The following RRAGB variants were observed in gnomAD, a reference collection of about 807,000 sequenced individuals.
RRAGB encodes Ras related GTP binding B.
In RRAGB, 6 loss-of-function variants were observed where a neutral mutation model predicts 29.3. That is an observed-to-expected ratio of 0.21 (90% CI 0.11 to 0.40). The LOEUF is 0.40. RRAGB is among the 10% of genes least tolerant of loss of function. The pLI, the probability that RRAGB is intolerant of heterozygous loss-of-function variation, is 1.00. For synonymous variants in RRAGB, 101 were observed against 92.5 expected (o/e 1.09, Z -0.53); for missense variants, 184 against 272.9 (o/e 0.67, Z 2.29).
At chrX:55,750,172 A>G (rs2034477565) in intron 5 of RRAGB, among the ~76,000 whole-genome samples, 1 of 78,527 alleles carries the variant, frequency 1.3e-5, no homozygotes, top group Admixed American at 1.5e-4. Flanking sequence ...ACATATACAT[A>G]CATACATACG....
chrX:55,719,262 A>G (rs1336259571), intron 1 of RRAGB, 52 bp from the exon 2 acceptor site: 6 of 1,075,008 alleles, frequency 5.6e-6, no homozygotes, highest in Non-Finnish European at 7.6e-6. Context: ...CATTAATTTC[A>G]ATTTCTAAGG....
intron 5 of RRAGB, among the ~76,000 whole-genome samples, chrX:55,734,345 G>T (rs1392162273): frequency 9.3e-6 from 1 of 107,580 alleles, no homozygotes; most frequent in Non-Finnish European, 1.9e-5. Context: ...TTTCCTGATT[G>T]AAGCTTGTGT....
At chrX:55,751,046 C>A in intron 5 of RRAGB, 55 bp from the exon 6 acceptor site, 1 of 682,298 alleles carries the variant, frequency 1.5e-6, no homozygotes, top group Admixed American at 3.3e-5. Context: ...TACATCTTAG[C>A]TTGAAAGATG....
At chrX:55,753,780 C>A (rs2034585038) in intron 7 of RRAGB, among the ~76,000 whole-genome samples, 1 of 112,501 alleles carries the variant, frequency 8.9e-6, no homozygotes, top group Non-Finnish European at 1.9e-5. Context: ...CATGGGGGCT[C>A]ACGCCTGTAA....
At chrX:55,725,861 A>T (rs947805852) in intron 3 of RRAGB, among the ~76,000 whole-genome samples, 5 of 110,402 alleles carry the variant, frequency 4.5e-5, no homozygotes, top group Non-Finnish European at 7.6e-5. Context: ...ATCCCTCTTT[A>T]AAAAAAAATC....
chrX:55,746,582 A>G (rs1363355873), intron 5 of RRAGB, among the ~76,000 whole-genome samples: 1 of 112,471 alleles, frequency 8.9e-6, no homozygotes, highest in African/African-American at 3.2e-5. Flanking sequence ...TTTATTTTTC[A>G]TAGTCATGAT....
chrX:55,733,687 C>A (rs1035094422), intron 5 of RRAGB, among the ~76,000 whole-genome samples: 8 of 112,154 alleles, frequency 7.1e-5, no homozygotes, highest in African/African-American at 2.6e-4. Context: ...CTTTGATGTG[C>A]TGGTAGATTA....
intron 6 of RRAGB, among the ~76,000 whole-genome samples, chrX:55,751,910 G>A (rs774394484): frequency 1.8e-5 from 2 of 110,782 alleles, no homozygotes; most frequent in South Asian, 7.8e-4. Flanking sequence ...TCTGTAGTTA[G>A]CCCTTCCCTT....
chrX:55,737,545 C>T (rs2033906337), intron 5 of RRAGB, among the ~76,000 whole-genome samples: 3 of 112,221 alleles, frequency 2.7e-5, no homozygotes, highest in African/African-American at 9.7e-5. Flanking sequence ...TTTTTCACCA[C>T]TGAGCATGGC....
At chrX:55,754,584 A>G (rs779049314) in intron 7 of RRAGB, among the ~76,000 whole-genome samples, 46 of 112,218 alleles carry the variant, frequency 4.1e-4, no homozygotes, top group Non-Finnish European at 6.9e-4. Context: ...TATCTATATC[A>G]TAGATTTATT....
At chrX:55,749,962 C>G (rs1343461400) in intron 5 of RRAGB, among the ~76,000 whole-genome samples, 1 of 104,125 alleles carries the variant, frequency 9.6e-6, no homozygotes, top group Non-Finnish European at 2.0e-5. Flanking sequence ...TCTTTGTTCA[C>G]TTGTTTATCT....
chrX:55,754,338 G>A (rs1197474970), intron 7 of RRAGB, among the ~76,000 whole-genome samples: 1 of 112,792 alleles, frequency 8.9e-6, no homozygotes, highest in African/African-American at 3.2e-5. Flanking sequence ...CCTATTGTTT[G>A]TATAACCCTG....
chrX:55,749,636 G>C (rs1329882544), intron 5 of RRAGB, among the ~76,000 whole-genome samples: 1 of 110,652 alleles, frequency 9.0e-6, no homozygotes, highest in Non-Finnish European at 1.9e-5. Flanking sequence ...GATGGTTGCT[G>C]TGTCTGTGTG....
intron 6 of RRAGB, 153 bp downstream of exon 6, chrX:55,751,349 T>C (rs1044359340): frequency 1.3e-5 from 5 of 380,119 alleles, no homozygotes; most frequent in African/African-American, 1.3e-4. Context: ...GTTTGAAGAA[T>C]ATCAAACTTA....
chrX:55,731,964 A>G (rs1167148798), intron 5 of RRAGB, among the ~76,000 whole-genome samples: 2 of 112,123 alleles, frequency 1.8e-5, no homozygotes, highest in Non-Finnish European at 3.8e-5. Flanking sequence ...TTGACTTAGG[A>G]AACTGGTATG....
At chrX:55,749,603 G>C (rs1269419920) in intron 5 of RRAGB, among the ~76,000 whole-genome samples, 1 of 110,985 alleles carries the variant, frequency 9.0e-6, no homozygotes. Flanking sequence ...GGGGTGAAAG[G>C]TGGGGAAAAG....
At chrX:55,739,873 G>T (rs1401491363) in intron 5 of RRAGB, among the ~76,000 whole-genome samples, 3 of 111,810 alleles carry the variant, frequency 2.7e-5, no homozygotes, top group Non-Finnish European at 1.9e-5. Context: ...CGTATATAAA[G>T]ATTTCCAAAG....
chrX:55,757,241 A>G lies in RRAGB; in HGVS notation c.853A>G (p.Met285Val). The change falls in exon 9 of 10, where the codon ATG becomes GTG. Residue 285 changes from methionine (M) to valine (V), a missense_variant. Met to Val is a conservative substitution (Grantham distance 21). Coordinates refer to ENST00000374941, the MANE Select transcript of RRAGB (RefSeq NM_006064.5). ...CSKLAASFQS[M>V]EVRNSNFAAF... ...CAAGCTGGCTGCCTCTTTCCAGAGTATGGAAGTCAGGAACTCTAACTTCGC... is the reference window on the plus strand; with the variant it reads ...CAAGCTGGCTGCCTCTTTCCAGAGTGTGGAAGTCAGGAACTCTAACTTCGC... 1 of 1,192,884 alleles carries G rather than the reference A, an allele frequency of 8.4e-7. No homozygotes were observed. Among genetic ancestry groups the G allele is most frequent in the Non-Finnish European group, 1.1e-6 (1 of 880,743 alleles).
rs756101131 is a variant in RRAGB, at chrX:55,731,568, G to A, written c.498G>A (p.Gln166=). 7.5e-6 allele frequency: 9 copies of A among 1,196,200 alleles called. No homozygotes were observed. In the South Asian group the frequency reaches 1.3e-4, roughly 17 times the overall value. The change falls in exon 5 of 10, where the codon CAG becomes CAA. Residue 166 remains glutamine (Q), a synonymous_variant. Coordinates refer to ENST00000374941, the MANE Select transcript of RRAGB (RefSeq NM_006064.5). ...TGGTACACAAAATGGATCTGGTACA[G>A]GAGGATCAACGGGACCTGGTAAGAA... ...FCLVHKMDLV[Q]EDQRDLIFKE...
Sources: gnomAD v4.1 joint callset for allele counts (sites outside exome capture counted in the v4.1 genomes callset) on GRCh38, gnomAD v4.1.1 for gene constraint, MANE v1.5 for transcripts, NCBI Gene and HGNC (gene_info 2026-07-23, HGNC 2026-07-21) for gene names.